The following TXK variants were observed in gnomAD, a reference collection of about 807,000 sequenced individuals.
TXK encodes the protein TXK tyrosine kinase.
Under a neutral mutation model 81.0 loss-of-function variants are expected in TXK, and 60 were observed. The ratio of observed to expected loss-of-function variants is 0.74; its 90% confidence interval spans 0.60 to 0.92. TXK has a LOEUF of 0.92. Among genes scored for constraint, TXK ranks in the 40% least tolerant of loss-of-function variants. The pLI is 0.00. For missense variants in TXK, 581 were observed against 638.3 expected, an observed-to-expected ratio of 0.91 and a Z score of 0.97; for synonymous variants, 203 against 210.7, an observed-to-expected ratio of 0.96 and a Z score of 0.32.
intron 1 of TXK, among the ~76,000 whole-genome samples, chr4:48,123,499 A>G (rs573763561): frequency 1.3e-5 from 2 of 152,272 alleles, no homozygotes; most frequent in African/African-American, 2.4e-5. Flanking sequence ...CCATCAATCT[A>G]TCAGTCTGTT....
At chr4:48,126,799 G>A (rs756284674) in intron 1 of TXK, among the ~76,000 whole-genome samples, 9 of 152,128 alleles carry the variant, frequency 5.9e-5, no homozygotes, top group Non-Finnish European at 1.2e-4. Flanking sequence ...CACCATGCCT[G>A]GCCAAGTCAA....
At chr4:48,108,198 C>T (rs948005764) in intron 5 of TXK, among the ~76,000 whole-genome samples, 2 of 152,070 alleles carry the variant, frequency 1.3e-5, no homozygotes, top group African/African-American at 4.8e-5. Context: ...TCTGGTACAT[C>T]GTAAGTGTAC....
chr4:48,110,451 C>T (rs1479945115), intron 5 of TXK, 87 bp downstream of exon 5: 25 of 875,590 alleles, frequency 2.9e-5, no homozygotes, highest in Admixed American at 9.6e-5. Context: ...ACTTTTTTTT[C>T]CTTCTACAGA....
intron 14 of TXK, 120 bp from the exon 15 acceptor site, chr4:48,067,825 G>A (rs1380251351): frequency 1.0e-6 from 1 of 972,664 alleles, no homozygotes; most frequent in East Asian, 2.5e-5. Flanking sequence ...TCATCGCCAA[G>A]GTCTGATTTT....
intron 6 of TXK, among the ~76,000 whole-genome samples, chr4:48,099,041 A>G (rs1718088116): frequency 6.6e-6 from 1 of 152,222 alleles, no homozygotes; most frequent in South Asian, 2.1e-4. Context: ...CAACTAAGTG[A>G]GAGGCAAAAA....
intron 14 of TXK, among the ~76,000 whole-genome samples, chr4:48,070,893 C>CTTTTTTT (rs11309334): frequency 7.1e-5 from 6 of 84,330 alleles, no homozygotes; most frequent in South Asian, 4.0e-4. Context: ...TCATTTAATT[C>CTTTTTTT]TTTTTTTTTT....
chr4:48,114,498 G>C, intron 1 of TXK, 96 bp from the exon 2 acceptor site: 1 of 1,282,816 alleles, frequency 7.8e-7, no homozygotes, highest in Non-Finnish European at 1.1e-6. Context: ...ATTATAAAGC[G>C]TATGAAAGTC....
chr4:48,123,193 A>G (rs1719001433), intron 1 of TXK, among the ~76,000 whole-genome samples: 1 of 152,232 alleles, frequency 6.6e-6, no homozygotes, highest in African/African-American at 2.4e-5. Context: ...ACTTATATAA[A>G]GAAAAGGAAA....
chr4:48,126,377 T>C (rs1256201491), intron 1 of TXK, among the ~76,000 whole-genome samples: 2 of 152,258 alleles, frequency 1.3e-5, no homozygotes, highest in African/African-American at 4.8e-5. Context: ...ACACATAACA[T>C]ACAAAATACG....
At chr4:48,079,857 C>A in intron 11 of TXK, 55 bp downstream of exon 11, 1 of 1,199,742 alleles carries the variant, frequency 8.3e-7, no homozygotes. Flanking sequence ...ATTGTCACAT[C>A]CTTCTGAATA....
intron 6 of TXK, among the ~76,000 whole-genome samples, chr4:48,096,784 C>T (rs1414136352): frequency 6.6e-6 from 1 of 152,232 alleles, no homozygotes; most frequent in African/African-American, 2.4e-5. Context: ...CCACCTCAGC[C>T]TCCCAAAATG....
chr4:48,106,960 A>C (rs2109461340), intron 5 of TXK, among the ~76,000 whole-genome samples: 1 of 152,298 alleles, frequency 6.6e-6, no homozygotes, highest in South Asian at 2.1e-4. Flanking sequence ...CCACATTTAT[A>C]AGTTTAGTTT....
intron 12 of TXK, among the ~76,000 whole-genome samples, chr4:48,075,648 G>GA (rs979767971): frequency 1.3e-4 from 20 of 149,310 alleles, no homozygotes; most frequent in East Asian, 3.9e-4. Context: ...AGACTCTGTC[G>GA]AAAAAAAAAA....
At chr4:48,096,964 CTT>C (rs1158147022) in intron 6 of TXK, among the ~76,000 whole-genome samples, 1 of 152,022 alleles carries the variant, frequency 6.6e-6, no homozygotes, top group South Asian at 2.1e-4. Flanking sequence ...AATTTATAGT[CTT>C]ATTACTTATA....
At chr4:48,133,276 T>G (rs1236791352) in intron 1 of TXK, among the ~76,000 whole-genome samples, 1 of 152,102 alleles carries the variant, frequency 6.6e-6, no homozygotes, top group Non-Finnish European at 1.5e-5. Flanking sequence ...CCCCCACAGC[T>G]CTTTCAAACC....
chr4:48,080,177 T>G (rs776828543), intron 10 of TXK, 49 bp from the exon 11 acceptor site: 9 of 1,450,438 alleles, frequency 6.2e-6, no homozygotes, highest in Non-Finnish European at 8.7e-6. Flanking sequence ...TTTGCATTTT[T>G]AAATGTTTGA....
intron 8 of TXK, 36 bp from the exon 9 acceptor site, chr4:48,089,860 T>C (rs373645741): frequency 5.5e-6 from 8 of 1,443,938 alleles, no homozygotes; most frequent in Non-Finnish European, 7.8e-6. Flanking sequence ...TCAAGCCTAG[T>C]TGCTAATATA....
intron 9 of TXK, among the ~76,000 whole-genome samples, chr4:48,087,020 A>G (rs1269389537): frequency 6.6e-6 from 1 of 152,194 alleles, no homozygotes; most frequent in Non-Finnish European, 1.5e-5. Context: ...TGTAAGGCAA[A>G]TAAAACTGTG....
At chr4:48,074,074 G>A (rs55781011) in intron 12 of TXK, 21 bp from the exon 13 acceptor site, 140,184 of 1,562,932 alleles carry the variant, frequency 0.09, 7,018 homozygotes, top group South Asian at 0.15. Flanking sequence ...CAGATTCAAA[G>A]CATATTGTGT....
Sources: allele counts gnomAD v4.1 joint callset (sites outside exome capture counted in the v4.1 genomes callset), GRCh38; gene constraint gnomAD v4.1.1; transcripts MANE v1.5; gene names NCBI Gene and HGNC (gene_info 2026-07-23, HGNC 2026-07-21).